KLB: variants seen among roughly 807,000 people sequenced by gnomAD.
The protein encoded by KLB is klotho beta, also known as beta-klotho.
A neutral mutation model predicts 88.4 loss-of-function variants in KLB; 44 were observed. That is an observed-to-expected ratio of 0.50 (90% CI 0.39 to 0.64). The LOEUF (loss-of-function observed/expected upper bound fraction) is 0.64. KLB is among the 30% of genes least tolerant of loss of function. The pLI is 0.00. For synonymous variants in KLB, 548 were observed against 513.4 expected (o/e 1.07, Z -0.91); for missense variants, 1,137 against 1,304.8 (o/e 0.87, Z 1.98).
chr4:39,407,078 A>C lies in KLB; in HGVS notation c.129A>C (p.Ala43=). 1 of 1,614,040 alleles carries C rather than the reference A, an allele frequency of 6.2e-7. No homozygotes were observed. The highest frequency in any genetic ancestry group is 1.1e-5 in the South Asian group (1 of 91,088). Residue 43 remains alanine, a synonymous_variant, in exon 1 of 5, where the codon GCA becomes GCC. Coordinates refer to ENST00000257408, the MANE Select transcript of KLB (RefSeq NM_175737.4). ...TGCAAAGATCTGTCATCCTGTCAGC[A>C]CTTATTCTGCTACGAGCTGTTACTG... is the stretch of plus-strand genomic sequence containing the variant. The part of the protein sequence containing the change: ...GGLQRSVILS[A]LILLRAVTGF...
intron 1 of KLB, among the ~76,000 whole-genome samples, chr4:39,416,957 G>A (rs1742977370): frequency 6.6e-6 from 1 of 151,946 alleles, no homozygotes; most frequent in Non-Finnish European, 1.5e-5. Flanking sequence ...AGACTCTTTT[G>A]CCCAAATCCC....
intron 1 of KLB, among the ~76,000 whole-genome samples, chr4:39,424,913 G>A (rs1403941705): frequency 6.6e-6 from 1 of 152,098 alleles, no homozygotes; most frequent in Non-Finnish European, 1.5e-5. Flanking sequence ...ACAGGTGAGA[G>A]CTACTGTGCC....
chr4:39,422,229 G>A lies in KLB; in HGVS notation c.826-11981G>A, dbSNP rs556845869. On this transcript the variant is annotated intron_variant, in intron 1 of 4. Coordinates refer to ENST00000257408, the MANE Select transcript of KLB (RefSeq NM_175737.4). ...TCCTGGAATGACAGTGAACTAGGAA[G>A]GTGAAGGACTTAGTTCTATTTCTAG... 3.3e-5 allele frequency among the ~76,000 whole-genome samples: 5 copies of A among 152,316 alleles called. No homozygotes were observed. The South Asian group carries it at 1.0e-3, about 32-fold the overall frequency.
chr4:39,438,030 G>C (rs1315387385), intron 3 of KLB, 35 bp downstream of exon 3: 1 of 1,583,166 alleles, frequency 6.3e-7, no homozygotes, highest in African/African-American at 1.4e-5. Flanking sequence ...CATAAACTGG[G>C]AAAAACAGTA....
At chr4:39,440,072 G>C (rs1014595059) in intron 3 of KLB, among the ~76,000 whole-genome samples, 1 of 152,024 alleles carries the variant, frequency 6.6e-6, no homozygotes. Flanking sequence ...CCAAAGTGCT[G>C]GGATTACAGG....
rs1396966494 is a variant in KLB at position 39,451,410 on chromosome 4, G to A, written c.*2724G>A. On this transcript the variant is annotated 3_prime_UTR_variant, in exon 5 of 5. Coordinates refer to ENST00000257408, the MANE Select transcript of KLB (RefSeq NM_175737.4). The stretch of plus-strand genomic sequence containing the variant: ...CGTATATTCAATGTAACAACCTGGA[G>A]AATCACAACTATATTTAAAGAGCCT... The A allele has an allele frequency of 1.3e-5, 2 of 152,198 alleles. No individual in the cohort carries two copies. The highest frequency in any genetic ancestry group is 4.8e-5 in the African/African-American group (2 of 41,446). 9.4% of individuals were successfully genotyped at this position (152,198 alleles called of 1,614,324 possible). A position where few individuals can be genotyped will look rare whatever the true frequency, so the allele number is the denominator to read the frequency against.
intron 1 of KLB, among the ~76,000 whole-genome samples, chr4:39,425,516 C>T (rs942074294): frequency 6.6e-6 from 1 of 152,198 alleles, no homozygotes; most frequent in Non-Finnish European, 1.5e-5. Context: ...ACACAGCTCA[C>T]TACAGCCTTG....
intron 1 of KLB, among the ~76,000 whole-genome samples, chr4:39,421,948 G>C (rs994025369): frequency 1.3e-5 from 2 of 152,118 alleles, no homozygotes; most frequent in African/African-American, 4.8e-5. Flanking sequence ...GTTTCACCAT[G>C]TTGGCCAGGC....
rs553959526 is a variant in KLB, at chr4:39,436,335, C to T, written c.1337-1392C>T. 2.6e-5 allele frequency among the ~76,000 whole-genome samples: 4 copies of T among 152,196 alleles called. No individual in the cohort carries two copies. In the East Asian group the frequency reaches 5.8e-4, roughly 22 times the overall value. On this transcript the variant is annotated intron_variant, in intron 2 of 4. Transcript: ENST00000257408. ...GTTGCAGGAAGGAACAGCATGGAACCGAGCCACGCCCAGCTACGGGCCATG... is the reference window on the plus strand; with the variant it reads ...GTTGCAGGAAGGAACAGCATGGAACTGAGCCACGCCCAGCTACGGGCCATG...
At chr4:39,436,745 T>TG (rs111531741) in intron 2 of KLB, among the ~76,000 whole-genome samples, 2,867 of 152,228 alleles carry the variant, frequency 0.019, 99 homozygotes, top group African/African-American at 0.066. Context: ...GTTTTGCTCT[T>TG]GTTACCCAGG....
chr4:39,417,960 G>A (rs993369124), intron 1 of KLB, among the ~76,000 whole-genome samples: 2 of 152,072 alleles, frequency 1.3e-5, no homozygotes, highest in Non-Finnish European at 1.5e-5. Context: ...ACATAAATCA[G>A]CTGCCCCGCT....
chr4:39,433,628 G>A (rs1000542106), intron 1 of KLB, among the ~76,000 whole-genome samples: 6 of 152,192 alleles, frequency 3.9e-5, no homozygotes, highest in African/African-American at 1.4e-4. Flanking sequence ...GGGAGGCCGA[G>A]GAGGGTGGAT....
In KLB at chr4:39,448,357, G is replaced by C; in HGVS notation, c.2806G>C (p.Glu936Gln). 1 of 1,613,120 alleles carries C rather than the reference G, an allele frequency of 6.2e-7. No individual in the cohort carries two copies. The highest frequency in any genetic ancestry group is 8.5e-7 in the Non-Finnish European group (1 of 1,179,122). ...CTATTATGCATTCAAACTGGCTGAA[G>C]AGAAATCTAAACCCAGATTTGGATT... ...KGYYAFKLAE[E>Q]KSKPRFGFFT... is the part of the protein sequence containing the mutation. The change falls in exon 5 of 5, where the codon GAG becomes CAG. Residue 936 changes from glutamate (E) to glutamine (Q), a missense_variant. Physicochemically the swap from Glu to Gln is conservative, Grantham distance 29 (BLOSUM62 2). Transcript: ENST00000257408.
intron 1 of KLB, among the ~76,000 whole-genome samples, chr4:39,414,103 C>T (rs574656876): frequency 9.9e-5 from 15 of 152,210 alleles, no homozygotes; most frequent in African/African-American, 3.4e-4. Flanking sequence ...CCCCCTCACT[C>T]CACCTTTGAA....
At chr4:39,419,530 T>C (rs1202766718) in intron 1 of KLB, among the ~76,000 whole-genome samples, 1 of 152,096 alleles carries the variant, frequency 6.6e-6, no homozygotes, top group Non-Finnish European at 1.5e-5. Context: ...TCCCAGCACT[T>C]TGGGAGGCTG....
intron 2 of KLB, among the ~76,000 whole-genome samples, chr4:39,435,299 G>T (rs912555637): frequency 6.7e-6 from 1 of 150,150 alleles, no homozygotes; most frequent in Admixed American, 6.7e-5. Flanking sequence ...TTATATTTTG[G>T]TAGAGATGGA....
intron 2 of KLB, among the ~76,000 whole-genome samples, chr4:39,436,804 T>C (rs1047231677): frequency 3.9e-5 from 6 of 151,934 alleles, no homozygotes; most frequent in Non-Finnish European, 8.8e-5. Flanking sequence ...CCACCTCCTG[T>C]GTTCAAGCGA....
At chr4:39,421,051 A>C (rs1335740822) in intron 1 of KLB, among the ~76,000 whole-genome samples, 1 of 152,218 alleles carries the variant, frequency 6.6e-6, no homozygotes, top group African/African-American at 2.4e-5. Flanking sequence ...ATTTAGTTTC[A>C]GTTATTATTT....
chr4:39,424,138 C>T (rs1035578567), intron 1 of KLB, among the ~76,000 whole-genome samples: 9 of 151,812 alleles, frequency 5.9e-5, no homozygotes, highest in Non-Finnish European at 1.2e-4. Context: ...GGCACAATCA[C>T]GGCTCATTGC....
Sources: allele counts gnomAD v4.1 joint callset (sites outside exome capture counted in the v4.1 genomes callset), GRCh38; gene constraint gnomAD v4.1.1; transcripts MANE v1.5; gene names NCBI Gene and HGNC (gene_info 2026-07-23, HGNC 2026-07-21).